The following RGS7 variants were observed in gnomAD, a reference collection of about 807,000 sequenced individuals.
The protein encoded by RGS7 is regulator of G-protein signaling 7.
Under a neutral mutation model 81.1 loss-of-function variants are expected in RGS7, and 27 were observed. The observed-to-expected ratio is 0.33, with a 90% confidence interval of 0.25 to 0.46. The LOEUF (loss-of-function observed/expected upper bound fraction) is 0.46, where lower values mean the gene tolerates loss of function less well. RGS7 is among the 20% of genes least tolerant of loss of function. The probability of loss-of-function intolerance (pLI) is 1.00; values close to 1 mark genes in which losing one functional copy is unlikely to be tolerated. For synonymous variants in RGS7, 208 were observed against 207.7 expected, an observed-to-expected ratio of 1.00 and a Z score of -0.01; for missense variants, 396 against 607.4, an observed-to-expected ratio of 0.65 and a Z score of 3.66.
chr1:241,058,903 T>C (rs1484480867), intron 3 of RGS7, among the ~76,000 whole-genome samples: 2 of 152,174 alleles, frequency 1.3e-5, no homozygotes, highest in Non-Finnish European at 2.9e-5. Flanking sequence ...TCTGCACAGA[T>C]TCACCTCTGA....
chr1:240,995,708 CTT>C (rs71172669), intron 3 of RGS7, among the ~76,000 whole-genome samples: 155 of 139,782 alleles, frequency 1.1e-3, no homozygotes, highest in African/African-American at 3.8e-3. Flanking sequence ...TGTGTCTTTT[CTT>C]TTTTTTTTTT....
chr1:241,246,489 C>T (rs1415254241), intron 2 of RGS7, among the ~76,000 whole-genome samples: 1 of 152,112 alleles, frequency 6.6e-6, no homozygotes, highest in African/African-American at 2.4e-5. Context: ...TGGAGAGATC[C>T]ATTCCAGTAC....
At chr1:240,780,899 G>A (rs1363452011) in intron 18 of RGS7, among the ~76,000 whole-genome samples, 3 of 143,042 alleles carry the variant, frequency 2.1e-5, no homozygotes, top group African/African-American at 8.0e-5. Flanking sequence ...GGGTGACAGA[G>A]CGAGACTCTG....
intron 9 of RGS7, among the ~76,000 whole-genome samples, chr1:240,834,171 G>C (rs574423778): frequency 3.3e-5 from 5 of 152,128 alleles, no homozygotes; most frequent in Non-Finnish European, 5.9e-5. Flanking sequence ...GATCCTTTCA[G>C]CCCTCCTCCT....
intron 2 of RGS7, among the ~76,000 whole-genome samples, chr1:241,277,618 CA>C (rs34520025): frequency 0.019 from 2,499 of 132,644 alleles, 55 homozygotes; most frequent in African/African-American, 0.067. Context: ...GACTCCATCT[CA>C]AAAAAAAAAA....
intron 6 of RGS7, among the ~76,000 whole-genome samples, chr1:240,901,219 ATT>A (rs1669953011): frequency 6.6e-6 from 1 of 152,152 alleles, no homozygotes; most frequent in African/African-American, 2.4e-5. Context: ...AGGAAAGGGA[ATT>A]CCCCGACCCC....
At chr1:240,929,902 C>T (rs931531417) in intron 6 of RGS7, among the ~76,000 whole-genome samples, 14 of 152,170 alleles carry the variant, frequency 9.2e-5, no homozygotes, top group African/African-American at 3.1e-4. Context: ...ACAGTAACTC[C>T]TTCTGTATAA....
intron 3 of RGS7, among the ~76,000 whole-genome samples, chr1:241,077,785 T>C (rs931249016): frequency 1.3e-5 from 2 of 152,168 alleles, no homozygotes; most frequent in African/African-American, 4.8e-5. Context: ...TGTAAAATAA[T>C]TGAGTCTCCA....
At chr1:241,110,585 A>G (rs1403284715) in intron 2 of RGS7, among the ~76,000 whole-genome samples, 1 of 152,176 alleles carries the variant, frequency 6.6e-6, no homozygotes, top group Non-Finnish European at 1.5e-5. Context: ...GGAAGGACAT[A>G]AAAAAAGTCA....
intron 2 of RGS7, among the ~76,000 whole-genome samples, chr1:241,303,440 T>C (rs2079894244): frequency 6.6e-6 from 1 of 152,210 alleles, no homozygotes; most frequent in Non-Finnish European, 1.5e-5. Context: ...AAACCTCTTT[T>C]TCTAGGTGAA....
chr1:240,892,857 C>G (rs993742109), intron 6 of RGS7, among the ~76,000 whole-genome samples: 1 of 152,218 alleles, frequency 6.6e-6, no homozygotes. Context: ...ATTCTTTGCT[C>G]AATTAAACTC....
At chr1:241,263,195 T>C (rs2077422458) in intron 2 of RGS7, among the ~76,000 whole-genome samples, 1 of 152,114 alleles carries the variant, frequency 6.6e-6, no homozygotes, top group South Asian at 2.1e-4. Context: ...GAGAATTGCT[T>C]GAAACCGGAA....
At position 240,841,551 on chromosome 1, in the gene RGS7, A is replaced by G. The variant is rs1167976823; in HGVS notation, c.610-14379T>C. Among the ~76,000 whole-genome samples the G allele has an allele frequency of 3.3e-5, 5 of 150,966 alleles. No individual in the cohort carries two copies. In the Admixed American group the frequency reaches 3.3e-4, roughly 10 times the overall value. ...AGATAAAGCTAATAACGCCTCTTCT[A>G]TTGTGCAGTACTTTGACATTTTTCA... On this transcript the variant is annotated intron_variant, in intron 9 of 18. Transcript: ENST00000440928.
rs146842071 is a variant in RGS7 at position 241,125,266 on chromosome 1, C to T, written c.79-26504G>A. Among the ~76,000 whole-genome samples, 160 of 152,298 alleles carry T rather than the reference C, an allele frequency of 1.1e-3. 2 individuals are homozygous for T. In the Middle Eastern group the frequency reaches 0.017, roughly 16 times the overall value. The stretch of plus-strand genomic sequence containing the variant: ...TCTTCCACCAGTCTCCATAACAATG[C>T]TACTCGCTCTAAGCATTTTATGAGG... On this transcript the variant is annotated intron_variant, in intron 2 of 18. Transcript: ENST00000440928.
chr1:240,835,478 T>A (rs1558327325), intron 9 of RGS7, among the ~76,000 whole-genome samples: 2 of 152,216 alleles, frequency 1.3e-5, no homozygotes, highest in Non-Finnish European at 2.9e-5. Context: ...GAGATTCTCA[T>A]TCATTGCCAG....
chr1:240,874,003 A>C (rs570050854), intron 6 of RGS7, among the ~76,000 whole-genome samples: 57 of 152,170 alleles, frequency 3.7e-4, no homozygotes, highest in African/African-American at 1.2e-3. Context: ...GTTATTTGAG[A>C]GATGATTGGG....
intron 2 of RGS7, among the ~76,000 whole-genome samples, chr1:241,234,781 C>A (rs1035289905): frequency 3.3e-5 from 5 of 151,982 alleles, no homozygotes; most frequent in African/African-American, 1.2e-4. Context: ...ATCTTCAGTA[C>A]CTGGTGCTGT....
At chr1:241,165,636 AG>A (rs1346711849) in intron 2 of RGS7, among the ~76,000 whole-genome samples, 28 of 72,066 alleles carry the variant, frequency 3.9e-4, no homozygotes, top group Non-Finnish European at 6.5e-4. Flanking sequence ...GTTGTGGGGT[AG>A]GGGGAGGGGG....
In RGS7 at chr1:240,933,091, C is replaced by T. The variant is rs527351068; in HGVS notation, c.334-2323G>A. On this transcript the variant is annotated intron_variant, in intron 5 of 18. Coordinates refer to ENST00000440928, the MANE Select transcript of RGS7 (RefSeq NM_001364886.1). ...TAGAGACGGGGTTTCACCGTGTTAG[C>T]CAGGATGGTCTCCATCTCCTGACCT... Among the ~76,000 whole-genome samples, 20 of 150,218 alleles carry T rather than the reference C, an allele frequency of 1.3e-4. 1 individual carries two copies. Among genetic ancestry groups the T allele is most frequent in the Non-Finnish European group, 2.5e-4 (17 of 67,650 alleles).
Sources: gnomAD v4.1 joint callset for allele counts (sites outside exome capture counted in the v4.1 genomes callset) on GRCh38, gnomAD v4.1.1 for gene constraint, MANE v1.5 for transcripts, NCBI Gene and HGNC (gene_info 2026-07-23, HGNC 2026-07-21) for gene names.